The following ENOX2 variants were observed in gnomAD, a reference collection of about 807,000 sequenced individuals.
ENOX2 encodes the protein APK1 antigen.
Under a neutral mutation model 45.0 loss-of-function variants are expected in ENOX2, and 36 were observed. That is an observed-to-expected ratio of 0.80 (90% CI 0.61 to 1.06). The LOEUF is 1.06. Ranked by LOEUF, ENOX2 falls within the 50% of genes least tolerant of loss-of-function variation. ENOX2 has a pLI of 0.00. For missense variants in ENOX2, 423 were observed against 462.5 expected (o/e 0.91, Z 0.78); for synonymous variants, 174 against 152.3 (o/e 1.14, Z -1.05).
chrX:130,835,983 G>A (rs151242710), intron 2 of ENOX2, among the ~76,000 whole-genome samples: 1,260 of 112,328 alleles, frequency 0.011, 25 homozygotes, highest in African/African-American at 0.038. Context: ...AGCTGCCAGC[G>A]TAGTCTTTGA....
rs182562021 is a variant in ENOX2 at position 130,634,097 on chromosome X, C to T, written c.1419+887G>A. ...GGAAGGCACTGTGCTGGTAAACACA[C>T]TCAGGGCCTGTATGCACTGCATCTT... On this transcript the variant is annotated intron_variant, in intron 12 of 14. Transcript: ENST00000394363. Among the ~76,000 whole-genome samples, 435 of 112,278 alleles carry T rather than the reference C, an allele frequency of 3.9e-3. 2 individuals are homozygous for T. Among genetic ancestry groups the T allele is most frequent in the African/African-American group, 0.014 (422 of 30,949 alleles).
At chrX:130,814,778 C>T (rs1048711623) in intron 2 of ENOX2, among the ~76,000 whole-genome samples, 2 of 111,717 alleles carry the variant, frequency 1.8e-5, no homozygotes, top group African/African-American at 6.5e-5. Flanking sequence ...GATAAATCCA[C>T]GAAGATGAGG....
intron 2 of ENOX2, among the ~76,000 whole-genome samples, chrX:130,870,640 A>G (rs992165472): frequency 5.4e-5 from 6 of 111,617 alleles, no homozygotes; most frequent in African/African-American, 1.9e-4. Context: ...TACAAAGGTG[A>G]GGAAGTGCAG....
At chrX:130,884,869 T>C (rs766014984) in intron 2 of ENOX2, among the ~76,000 whole-genome samples, 1 of 111,602 alleles carries the variant, frequency 9.0e-6, no homozygotes, top group African/African-American at 3.3e-5. Flanking sequence ...CACTTCACAT[T>C]CATAGCCAGT....
chrX:130,833,217 A>G (rs755720395), intron 2 of ENOX2, among the ~76,000 whole-genome samples: 1 of 111,560 alleles, frequency 9.0e-6, no homozygotes, highest in South Asian at 3.8e-4. Flanking sequence ...GAATCTGGGC[A>G]CACATGAAAT....
chrX:130,635,052 CTTCT>C lies in ENOX2; in HGVS notation c.1347_1350del (p.Glu450LeufsTer45). On this transcript the variant is annotated frameshift_variant, in exon 12 of 15. Transcript: ENST00000394363. LOFTEE classifies it high-confidence loss of function. ...TCATCTTTGAGTTTTTCAAGTTCAG[CTTCT>C]TTCTTTTTGTATTCCTCTTGGACTT... The C allele has an allele frequency of 8.4e-7, 1 of 1,190,927 alleles. No individual in the cohort carries two copies. The highest frequency in any genetic ancestry group is 1.1e-6 in the Non-Finnish European group (1 of 878,769).
intron 10 of ENOX2, chrX:130,646,218 C>T (rs1238662613): frequency 3.3e-5 from 15 of 461,472 alleles, no homozygotes; most frequent in Middle Eastern, 4.7e-4. Context: ...TGGAATTGTG[C>T]CTGGTCAAAT....
At chrX:130,821,241 C>G (rs1165247014) in intron 2 of ENOX2, among the ~76,000 whole-genome samples, 5 of 107,297 alleles carry the variant, frequency 4.7e-5, no homozygotes. Flanking sequence ...CACATGCACA[C>G]GTATGTTTAC....
chrX:130,851,236 C>T (rs777546837), intron 2 of ENOX2, among the ~76,000 whole-genome samples: 3 of 111,749 alleles, frequency 2.7e-5, no homozygotes, highest in African/African-American at 9.7e-5. Context: ...TTGTTTTAGC[C>T]TAGCCCTAAT....
intron 2 of ENOX2, among the ~76,000 whole-genome samples, chrX:130,789,908 G>A (rs761504177): frequency 1.7e-4 from 19 of 112,024 alleles, no homozygotes; most frequent in Non-Finnish European, 3.6e-4. Flanking sequence ...AACCATATTT[G>A]TAGCTCTCAC....
intron 2 of ENOX2, among the ~76,000 whole-genome samples, chrX:130,785,775 T>C (rs2076960821): frequency 8.9e-6 from 1 of 112,556 alleles, no homozygotes; most frequent in South Asian, 3.7e-4. Context: ...TTGGAATTTC[T>C]TTCTGAAATA....
chrX:130,861,996 C>CA (rs1211008122), intron 2 of ENOX2, among the ~76,000 whole-genome samples: 2 of 111,200 alleles, frequency 1.8e-5, no homozygotes, highest in Non-Finnish European at 3.8e-5. Context: ...GTTTAAACAA[C>CA]AAAAAAGACA....
Position 130,684,452 on chromosome X carries a change from T to C in ENOX2, c.253+4411A>G, listed in dbSNP as rs1259187619. On this transcript the variant is annotated intron_variant, in intron 5 of 14. Transcript: ENST00000394363. The stretch of plus-strand genomic sequence containing the variant: ...TGTAGACACACCCAGAATAGTCTAG[T>C]AGGCAGTTGGCTACATGTATCTGAA... Among the ~76,000 whole-genome samples, 3 of 112,080 alleles carry C rather than the reference T, an allele frequency of 2.7e-5. No individual in the cohort carries two copies. The Admixed American group carries it at 2.8e-4, about 11-fold the overall frequency.
intron 3 of ENOX2, among the ~76,000 whole-genome samples, chrX:130,770,779 T>C (rs759166643): frequency 1.8e-5 from 2 of 112,072 alleles, no homozygotes; most frequent in African/African-American, 6.5e-5. Flanking sequence ...AGGAAATGAC[T>C]CAAATACCAG....
rs1182183648 is a variant in ENOX2, at chrX:130,679,682, G to A, written c.320C>T (p.Pro107Leu). 1.7e-6 allele frequency: 2 copies of A among 1,209,376 alleles called. No homozygotes were observed. The highest frequency in any genetic ancestry group is 3.0e-5 in the East Asian group (1 of 33,776). Residue 107 changes from proline (P) to leucine (L), a missense_variant, in exon 6 of 15, where the codon CCT becomes CTT. Pro to Leu is a moderately conservative substitution (Grantham distance 98). Transcript: ENST00000394363. ...AATGATTTGCTCTGTCCCATTTTCA[G>A]GCAGACCACCCACAAATACTGTTTT... Reference protein sequence around the residue: ...GCKTVFVGGLPENGTEQIIVE... With the variant: ...GCKTVFVGGLLENGTEQIIVE...
At chrX:130,767,158 T>C (rs2039636661) in intron 3 of ENOX2, among the ~76,000 whole-genome samples, 1 of 111,920 alleles carries the variant, frequency 8.9e-6, no homozygotes, top group Non-Finnish European at 1.9e-5. Context: ...TTGTAGCCTT[T>C]GTTCATTTTG....
In ENOX2 at chrX:130,679,532, A is replaced by G; in HGVS notation, c.460+10T>C. The G allele has an allele frequency of 8.4e-7, 1 of 1,191,343 alleles. No homozygotes were observed. Among genetic ancestry groups the G allele is most frequent in the Non-Finnish European group, 1.1e-6 (1 of 877,010 alleles). ...CCTGGTGGGCACAATCCTCACATCTAAACACCTACCAGACAGATACAGGGC... is the reference window on the plus strand; with the variant it reads ...CCTGGTGGGCACAATCCTCACATCTGAACACCTACCAGACAGATACAGGGC... On this transcript the variant is annotated intron_variant, in intron 6 of 14. Coordinates refer to ENST00000394363, the MANE Select transcript of ENOX2 (RefSeq NM_006375.4).
chrX:130,726,601 G>A (rs2038612471), intron 3 of ENOX2, among the ~76,000 whole-genome samples: 2 of 112,561 alleles, frequency 1.8e-5, no homozygotes, highest in South Asian at 3.7e-4. Context: ...GAATTTGGAT[G>A]TGTTACTTGG....
intron 3 of ENOX2, among the ~76,000 whole-genome samples, chrX:130,769,177 C>T (rs776745125): frequency 9.0e-6 from 1 of 111,384 alleles, no homozygotes; most frequent in Non-Finnish European, 1.9e-5. Context: ...CCAATTATCA[C>T]CCCAGAACAT....
Sources: allele counts gnomAD v4.1 joint callset (sites outside exome capture counted in the v4.1 genomes callset), GRCh38; gene constraint gnomAD v4.1.1; transcripts MANE v1.5; gene names NCBI Gene and HGNC (gene_info 2026-07-23, HGNC 2026-07-21).